B4GALT4: variants seen among roughly 807,000 people sequenced by gnomAD.
B4GALT4 encodes beta-1,4-galactosyltransferase 4.
In B4GALT4, 27 loss-of-function variants were observed where a neutral mutation model predicts 37.3. That is an observed-to-expected ratio of 0.72 (90% confidence interval 0.53 to 1.00). The LOEUF is 1.00. Among genes scored for constraint, B4GALT4 ranks in the 50% least tolerant of loss-of-function variants. The pLI, the probability that B4GALT4 is intolerant of heterozygous loss-of-function variation, is 0.00. For missense variants in B4GALT4, 372 were observed against 413.1 expected (o/e 0.90, Z 0.86); for synonymous variants, 148 against 154.1 (o/e 0.96, Z 0.29).
At chr3:119,232,763 T>C (rs1306764793) in intron 2 of B4GALT4, among the ~76,000 whole-genome samples, 2 of 152,188 alleles carry the variant, frequency 1.3e-5, no homozygotes, top group African/African-American at 4.8e-5. Flanking sequence ...ATAAGGATCT[T>C]AATCTTAGAA....
intron 1 of B4GALT4, among the ~76,000 whole-genome samples, chr3:119,238,715 G>T (rs2079060244): frequency 6.6e-6 from 1 of 152,096 alleles, no homozygotes; most frequent in Non-Finnish European, 1.5e-5. Flanking sequence ...ATAGGGTTTG[G>T]CACTATCCAC....
At chr3:119,239,719 T>A (rs1306876360) in intron 1 of B4GALT4, among the ~76,000 whole-genome samples, 1 of 152,202 alleles carries the variant, frequency 6.6e-6, no homozygotes, top group African/African-American at 2.4e-5. Flanking sequence ...ATCAAAGCTA[T>A]AGGTAGACGA....
chr3:119,226,574 G>C (rs2107506784), intron 4 of B4GALT4: 2 of 517,068 alleles, frequency 3.9e-6, no homozygotes, highest in Non-Finnish European at 6.9e-6. Flanking sequence ...CACAAAACAG[G>C]CTTCCTCCAG....
chr3:119,218,229 G>C (rs985661338), intron 6 of B4GALT4, among the ~76,000 whole-genome samples: 3 of 152,172 alleles, frequency 2.0e-5, no homozygotes, highest in Non-Finnish European at 4.4e-5. Context: ...GCTTCAACAT[G>C]TGCAGCTCCC....
intron 7 of B4GALT4, 39 bp downstream of exon 7, chr3:119,216,201 A>C (rs940688381): frequency 6.0e-6 from 9 of 1,497,200 alleles, no homozygotes; most frequent in East Asian, 2.3e-5. Flanking sequence ...AGAACAGACT[A>C]GGGAGGTAGC....
At chr3:119,215,248 G>T (rs2078258810) in intron 7 of B4GALT4, 3 of 152,190 alleles carry the variant, frequency 2.0e-5, no homozygotes. Flanking sequence ...AATAAAGCAG[G>T]CAGAAGAAGG....
chr3:119,227,111 A>C (rs932067945), intron 3 of B4GALT4, 70 bp from the exon 4 acceptor site: 2 of 1,353,886 alleles, frequency 1.5e-6, no homozygotes, highest in African/African-American at 2.9e-5. Flanking sequence ...ACACGAGCTA[A>C]TATGCATAGA....
At chr3:119,217,665 A>C (rs2078328682) in intron 6 of B4GALT4, among the ~76,000 whole-genome samples, 1 of 152,054 alleles carries the variant, frequency 6.6e-6, no homozygotes, top group African/African-American at 2.4e-5. Flanking sequence ...ATATGGTGAA[A>C]CCTGGCCTTT....
intron 2 of B4GALT4, among the ~76,000 whole-genome samples, chr3:119,232,211 G>A (rs1382412230): frequency 1.3e-5 from 2 of 152,210 alleles, no homozygotes; most frequent in East Asian, 1.9e-4. Context: ...TCAGGGTCCT[G>A]TGAAGGTATC....
intron 1 of B4GALT4, among the ~76,000 whole-genome samples, chr3:119,237,675 G>A (rs2079024223): frequency 6.6e-6 from 1 of 152,170 alleles, no homozygotes; most frequent in Non-Finnish European, 1.5e-5. Flanking sequence ...CCTCTGGTAA[G>A]GAAAAGCAGT....
intron 3 of B4GALT4, 34 bp from the exon 4 acceptor site, chr3:119,227,075 A>T: frequency 1.3e-6 from 2 of 1,588,714 alleles, no homozygotes; most frequent in South Asian, 2.2e-5. Flanking sequence ...CAATAACAGT[A>T]GCTACTTCAA....
chr3:119,229,958 T>C lies in B4GALT4; in HGVS notation c.142A>G (p.Met48Val). 6.2e-7 allele frequency: 1 copy of C among 1,614,192 alleles called. No homozygotes were observed. Among genetic ancestry groups the C allele is most frequent in the Non-Finnish European group, 8.5e-7 (1 of 1,180,038 alleles). Reference protein sequence around the residue: ...IQEIPKAKEFMANFHKTLILG... With the variant: ...IQEIPKAKEFVANFHKTLILG... ...ATGAGGGTCTTATGGAAATTAGCCA[T>C]GAACTCCTTTGCTTTAGGAATCTCT... Residue 48 changes from methionine to valine, a missense_variant, in exon 3 of 8, where the codon ATG becomes GTG. By Grantham distance (21) the Met-to-Val change is conservative (BLOSUM62 1). Transcript: ENST00000393765.
intron 7 of B4GALT4, chr3:119,212,940 C>T: frequency 2.6e-6 from 1 of 378,258 alleles, no homozygotes. Context: ...GTCTACAGGA[C>T]AGAAGGATGT....
rs772093606 is a variant in B4GALT4, at chr3:119,212,580, T to C, written c.1004A>G (p.Asn335Ser). The change falls in exon 8 of 8, where the codon AAC becomes AGC. Residue 335 changes from asparagine to serine, a missense_variant. Coordinates refer to ENST00000393765, the MANE Select transcript of B4GALT4 (RefSeq NM_003778.4). ...ACCAAACCAGAAATCCACTGTGATG[T>C]TGATATATAAAGGATTGTGTTCCAC... ...VSVEHNPLYI[N>S]ITVDFWFGA 2 of 1,609,812 alleles carry C rather than the reference T, an allele frequency of 1.2e-6. No individual in the cohort carries two copies. The highest frequency in any genetic ancestry group is 1.7e-6 in the Non-Finnish European group (2 of 1,178,742).
intron 4 of B4GALT4, 49 bp from the exon 5 acceptor site, chr3:119,224,294 A>G (rs2078534850): frequency 6.9e-7 from 1 of 1,458,710 alleles, no homozygotes; most frequent in South Asian, 1.4e-5. Flanking sequence ...ATAAAGTTTC[A>G]TATTGTTTGC....
intron 4 of B4GALT4, among the ~76,000 whole-genome samples, chr3:119,226,312 T>C (rs6778091): frequency 0.75 from 114,483 of 152,202 alleles, 43,435 homozygotes; most frequent in African/African-American, 0.85. Context: ...TCAAACATAA[T>C]ATGTTTCACA....
rs1333089202 is a variant in B4GALT4, at chr3:119,238,291, AAATAT to A, written c.-363-1226_-363-1222del. On this transcript the variant is annotated intron_variant, in intron 1 of 7. Coordinates refer to ENST00000393765, the MANE Select transcript of B4GALT4 (RefSeq NM_003778.4). ...AAAAAAAAAAAAAAAAAAGTATATA[AAATAT>A]AATACCAATTATGCAATACATGTGT... Among the ~76,000 whole-genome samples the A allele has an allele frequency of 6.6e-5, 10 of 151,490 alleles. No individual in the cohort carries two copies. The East Asian group carries it at 1.7e-3, about 26-fold the overall frequency.
chr3:119,216,381 T>A (rs1423917890), intron 6 of B4GALT4, 37 bp from the exon 7 acceptor site: 1 of 1,554,514 alleles, frequency 6.4e-7, no homozygotes, highest in South Asian at 1.1e-5. Context: ...AAGTCCATCC[T>A]ATTTATCTAC....
chr3:119,218,905 C>T, intron 5 of B4GALT4, 133 bp from the exon 6 acceptor site: 2 of 1,040,178 alleles, frequency 1.9e-6, no homozygotes, highest in East Asian at 5.0e-5. Context: ...CTGCTTGACA[C>T]CCACCTCCCA....
Sources: allele counts gnomAD v4.1 joint callset (sites outside exome capture counted in the v4.1 genomes callset), GRCh38; gene constraint gnomAD v4.1.1; transcripts MANE v1.5; gene names NCBI Gene and HGNC (gene_info 2026-07-23, HGNC 2026-07-21).